MAGI2: variants seen among roughly 807,000 people sequenced by gnomAD.
The protein encoded by MAGI2 is membrane-associated guanylate kinase, WW and PDZ domain-containing protein 2.
A neutral mutation model predicts 133.3 loss-of-function variants in MAGI2; 35 were observed. That is an observed-to-expected ratio of 0.26 (90% CI 0.20 to 0.35). The LOEUF is 0.35. Among genes scored for constraint, MAGI2 ranks in the 10% least tolerant of loss-of-function variants. The pLI, the probability that MAGI2 is intolerant of heterozygous loss-of-function variation, is 1.00. For missense variants in MAGI2, 1,636 were observed against 1,863.4 expected, an observed-to-expected ratio of 0.88 and a Z score of 2.25; for synonymous variants, 729 against 710.6, an observed-to-expected ratio of 1.03 and a Z score of -0.41.
chr7:78,219,871 T>C (rs1326839684), intron 10 of MAGI2, among the ~76,000 whole-genome samples: 1 of 152,228 alleles, frequency 6.6e-6, no homozygotes, highest in Non-Finnish European at 1.5e-5. Flanking sequence ...TTGCCTATAG[T>C]ACTGTAAATG....
intron 9 of MAGI2, among the ~76,000 whole-genome samples, chr7:78,270,893 T>C (rs942029379): frequency 2.0e-5 from 3 of 151,732 alleles, no homozygotes; most frequent in Non-Finnish European, 4.4e-5. Flanking sequence ...ATTGGAAGTA[T>C]TGCACATAAT....
At chr7:78,045,168 AAAAT>A (rs1168002531) in intron 21 of MAGI2, among the ~76,000 whole-genome samples, 4 of 152,198 alleles carry the variant, frequency 2.6e-5, no homozygotes, top group Non-Finnish European at 4.4e-5. Flanking sequence ...TTGGTCTCAA[AAAAT>A]AAATAAATAA....
chr7:79,102,819 C>T (rs953109895), intron 1 of MAGI2, among the ~76,000 whole-genome samples: 1 of 152,168 alleles, frequency 6.6e-6, no homozygotes, highest in Non-Finnish European at 1.5e-5. Flanking sequence ...TCCCATTATT[C>T]AGTCAAATAC....
chr7:78,777,606 G>C (rs1470188330), intron 2 of MAGI2, among the ~76,000 whole-genome samples: 2 of 152,110 alleles, frequency 1.3e-5, no homozygotes, highest in African/African-American at 2.4e-5. Flanking sequence ...TCATGTACCA[G>C]ACACTGTTCT....
chr7:78,896,427 C>A (rs1344740204), intron 2 of MAGI2, among the ~76,000 whole-genome samples: 2 of 151,588 alleles, frequency 1.3e-5, no homozygotes, highest in African/African-American at 2.4e-5. Context: ...TAAAGCTCCT[C>A]ATTGTAAAAT....
chr7:78,993,538 G>A (rs1805991578), intron 2 of MAGI2, among the ~76,000 whole-genome samples: 2 of 151,992 alleles, frequency 1.3e-5, no homozygotes, highest in Admixed American at 1.3e-4. Context: ...AGGAAGTTGT[G>A]GCAATTCCAG....
rs901747300 is a variant in MAGI2, at chr7:79,166,944, A to C, written c.302-159738T>G. 1.8e-3 allele frequency among the ~76,000 whole-genome samples: 279 copies of C among 152,178 alleles called. 7 individuals carry two copies. Among genetic ancestry groups the C allele is most frequent in the Admixed American group, 0.018 (276 of 15,276 alleles). Reference sequence around the variant, plus strand: ...AATAGCTGTGTGATCTTAGGAACTCACGTAATTTTTTTGAATCTCAGAGTC... The same window carrying C: ...AATAGCTGTGTGATCTTAGGAACTCCCGTAATTTTTTTGAATCTCAGAGTC... On this transcript the variant is annotated intron_variant, in intron 1 of 21. Coordinates refer to ENST00000354212, the MANE Select transcript of MAGI2 (RefSeq NM_012301.4).
chr7:79,065,124 T>C (rs1330396840), intron 1 of MAGI2, among the ~76,000 whole-genome samples: 1 of 152,052 alleles, frequency 6.6e-6, no homozygotes, highest in African/African-American at 2.4e-5. Flanking sequence ...GCTCAGCCAA[T>C]ACCCAATATG....
At chr7:78,414,603 A>G (rs138971164) in intron 6 of MAGI2, among the ~76,000 whole-genome samples, 1 of 151,500 alleles carries the variant, frequency 6.6e-6, no homozygotes, top group Non-Finnish European at 1.5e-5. Context: ...TTTTTTCCTT[A>G]ACACACACAT....
At chr7:78,636,605 T>C (rs1007532694) in intron 2 of MAGI2, among the ~76,000 whole-genome samples, 5 of 152,130 alleles carry the variant, frequency 3.3e-5, no homozygotes, top group African/African-American at 1.2e-4. Context: ...GAGACCATCC[T>C]GGCTAACACG....
chr7:78,887,265 C>T (rs1642897), intron 2 of MAGI2, among the ~76,000 whole-genome samples: 60,013 of 152,036 alleles, frequency 0.39, 12,898 homozygotes, highest in South Asian at 0.58. Context: ...AAAGTAAATG[C>T]CAGCTAGTCA....
chr7:78,170,521 C>A (rs1249826840), intron 14 of MAGI2: 1 of 152,054 alleles, frequency 6.6e-6, no homozygotes, highest in Non-Finnish European at 1.5e-5. Context: ...CATCAGTGAA[C>A]AATAAACAAA....
intron 6 of MAGI2, among the ~76,000 whole-genome samples, chr7:78,442,692 A>T (rs951852636): frequency 1.3e-5 from 2 of 152,214 alleles, no homozygotes; most frequent in Non-Finnish European, 1.5e-5. Flanking sequence ...AAGCTCAGAC[A>T]ACATATTATT....
intron 1 of MAGI2, among the ~76,000 whole-genome samples, chr7:79,074,365 C>G (rs1186742724): frequency 6.6e-6 from 1 of 152,104 alleles, no homozygotes; most frequent in African/African-American, 2.4e-5. Context: ...TAACTTTAGT[C>G]CAATAGGCAT....
intron 1 of MAGI2, among the ~76,000 whole-genome samples, chr7:79,291,182 T>A (rs754104412): frequency 2.1e-4 from 32 of 152,274 alleles, no homozygotes; most frequent in Middle Eastern, 6.8e-3. Flanking sequence ...TGTGGTCTTT[T>A]GTGTCTTTTT....
chr7:78,635,389 CAA>C (rs1809518197), intron 2 of MAGI2, among the ~76,000 whole-genome samples: 1 of 152,168 alleles, frequency 6.6e-6, no homozygotes, highest in Non-Finnish European at 1.5e-5. Context: ...TACTTTTCTT[CAA>C]AAGAGTCACC....
intron 2 of MAGI2, among the ~76,000 whole-genome samples, chr7:78,871,218 G>A (rs923284551): frequency 5.9e-5 from 9 of 152,144 alleles, no homozygotes; most frequent in African/African-American, 1.7e-4. Flanking sequence ...GGTTGAGGCA[G>A]GAGAATGGCG....
chr7:78,600,562 A>G (rs1015665124), intron 3 of MAGI2, among the ~76,000 whole-genome samples: 8 of 152,198 alleles, frequency 5.3e-5, no homozygotes, highest in African/African-American at 1.9e-4. Flanking sequence ...CATTTGGGAA[A>G]TGTGGCAATA....
intron 7 of MAGI2, among the ~76,000 whole-genome samples, chr7:78,363,978 C>T (rs1793110415): frequency 6.6e-6 from 1 of 152,286 alleles, no homozygotes; most frequent in Admixed American, 6.5e-5. Flanking sequence ...GCACAATAAG[C>T]GTTCCTCCCC....
Sources: allele counts gnomAD v4.1 joint callset (sites outside exome capture counted in the v4.1 genomes callset), GRCh38; gene constraint gnomAD v4.1.1; transcripts MANE v1.5; gene names NCBI Gene and HGNC (gene_info 2026-07-23, HGNC 2026-07-21).